CMTM8: variants seen among roughly 807,000 people sequenced by gnomAD.
CMTM8 encodes CKLF-like MARVEL transmembrane domain-containing protein 8.
A neutral mutation model predicts 18.6 loss-of-function variants in CMTM8; 12 were observed. The observed-to-expected ratio is 0.65, with a 90% CI of 0.41 to 1.05. CMTM8 has a LOEUF of 1.05. Ranked by LOEUF, CMTM8 falls within the 50% of genes least tolerant of loss-of-function variation. The pLI is 0.00. For synonymous variants in CMTM8, 87 were observed against 90.6 expected, an observed-to-expected ratio of 0.96 and a Z score of 0.23; for missense variants, 217 against 227.2, an observed-to-expected ratio of 0.95 and a Z score of 0.29.
intron 1 of CMTM8, among the ~76,000 whole-genome samples, chr3:32,263,800 A>G (rs962685006): frequency 6.6e-6 from 1 of 152,238 alleles, no homozygotes; most frequent in Admixed American, 6.5e-5. Context: ...CTACGTGACG[A>G]ATGCACAAGC....
intron 1 of CMTM8, among the ~76,000 whole-genome samples, chr3:32,293,077 G>A (rs1005143186): frequency 8.2e-5 from 12 of 145,734 alleles, no homozygotes; most frequent in African/African-American, 2.5e-4. Flanking sequence ...ATATGTGTGT[G>A]TATATATATA....
chr3:32,365,822 A>T (rs983035691), intron 2 of CMTM8, among the ~76,000 whole-genome samples: 1 of 152,000 alleles, frequency 6.6e-6, no homozygotes, highest in African/African-American at 2.4e-5. Context: ...CAGTTGGAGG[A>T]GCTATAAGAT....
At chr3:32,266,175 C>T (rs1702341729) in intron 1 of CMTM8, among the ~76,000 whole-genome samples, 1 of 152,194 alleles carries the variant, frequency 6.6e-6, no homozygotes. Flanking sequence ...AGACCAATAT[C>T]CCTGATGAAT....
chr3:32,281,259 C>G (rs539978422), intron 1 of CMTM8, among the ~76,000 whole-genome samples: 41 of 152,290 alleles, frequency 2.7e-4, no homozygotes, highest in African/African-American at 9.4e-4. Flanking sequence ...TCTTACCCAT[C>G]AAAAGAACTC....
At chr3:32,291,473 A>G (rs1375725234) in intron 1 of CMTM8, among the ~76,000 whole-genome samples, 1 of 152,216 alleles carries the variant, frequency 6.6e-6, no homozygotes, top group Non-Finnish European at 1.5e-5. Flanking sequence ...AATTGTTGAC[A>G]AGTCATTAGG....
chr3:32,274,623 G>GAGGT (rs1702489554), intron 1 of CMTM8, among the ~76,000 whole-genome samples: 1 of 151,964 alleles, frequency 6.6e-6, no homozygotes, highest in Non-Finnish European at 1.5e-5. Context: ...AAGGACAAAA[G>GAGGT]TATTCTCCTG....
Position 32,357,410 on chromosome 3 carries a change from C to A in CMTM8, c.185C>A (p.Thr62Asn). The change falls in exon 2 of 4, where the codon ACT (threonine) becomes AAT (asparagine). Residue 62 changes from threonine to asparagine, a missense_variant. By Grantham distance (65) the Thr-to-Asn change is moderately conservative (BLOSUM62 0). Coordinates refer to ENST00000307526, the MANE Select transcript of CMTM8 (RefSeq NM_178868.5). Reference sequence around the variant, plus strand: ...CTGGTATGGACGCTTATTGCTGGAACTGAGTACTTCCGGGTCCCCGCATTT... The same window carrying A: ...CTGGTATGGACGCTTATTGCTGGAAATGAGTACTTCCGGGTCCCCGCATTT... Reference protein sequence around the residue: ...GLLVWTLIAGTEYFRVPAFGW... With the variant: ...GLLVWTLIAGNEYFRVPAFGW... 1.2e-6 allele frequency: 2 copies of A among 1,614,042 alleles called. No individual in the cohort carries two copies. Among genetic ancestry groups the A allele is most frequent in the Non-Finnish European group, 1.7e-6 (2 of 1,180,020 alleles).
At chr3:32,247,605 C>T (rs780164239) in intron 1 of CMTM8, among the ~76,000 whole-genome samples, 24 of 152,242 alleles carry the variant, frequency 1.6e-4, no homozygotes, top group Admixed American at 3.3e-4. Context: ...AGATTACAGG[C>T]GTGCACCACC....
chr3:32,339,929 C>T (rs1696461461), intron 1 of CMTM8, among the ~76,000 whole-genome samples: 1 of 152,112 alleles, frequency 6.6e-6, no homozygotes, highest in South Asian at 2.1e-4. Flanking sequence ...CACCACTGCA[C>T]TCCAGCCTGG....
intron 1 of CMTM8, among the ~76,000 whole-genome samples, chr3:32,253,143 T>G (rs921904687): frequency 6.6e-6 from 1 of 152,184 alleles, no homozygotes; most frequent in Admixed American, 6.5e-5. Flanking sequence ...CTCTACTTAG[T>G]TGTATTATTT....
At chr3:32,346,577 G>T (rs1348945453) in intron 1 of CMTM8, among the ~76,000 whole-genome samples, 1 of 150,982 alleles carries the variant, frequency 6.6e-6, no homozygotes, top group Non-Finnish European at 1.5e-5. Flanking sequence ...GCCTCACTCT[G>T]GTGCATATCA....
At position 32,238,916 on chromosome 3, in the gene CMTM8, C is replaced by G. The variant is rs1280994609; in HGVS notation, c.-57C>G. The G allele has an allele frequency of 1.3e-6, 2 of 1,490,978 alleles. No individual in the cohort carries two copies. Among genetic ancestry groups the G allele is most frequent in the African/African-American group, 2.9e-5 (2 of 68,634 alleles). 92.4% of individuals were successfully genotyped at this position (1,490,978 alleles called of 1,614,324 possible). A position where few individuals can be genotyped will look rare whatever the true frequency, so the allele number is the denominator to read the frequency against. ...GTCCCCAGGGCGCAGGGCCGCGCGT[C>G]CAGCCCCAGACCCGCCGGGGTCCCT... is the stretch of plus-strand genomic sequence containing the variant. On this transcript the variant is annotated 5_prime_UTR_variant, in exon 1 of 4. Transcript: ENST00000307526.
chr3:32,348,808 C>CCTA (rs1259699282), intron 1 of CMTM8, among the ~76,000 whole-genome samples: 1 of 151,986 alleles, frequency 6.6e-6, no homozygotes, highest in South Asian at 2.1e-4. Flanking sequence ...GCCCCTGGAA[C>CCTA]CTACTAATCA....
intron 1 of CMTM8, among the ~76,000 whole-genome samples, chr3:32,246,414 G>A (rs566488708): frequency 1.1e-3 from 163 of 152,120 alleles, no homozygotes; most frequent in African/African-American, 3.7e-3. Context: ...AGCAGCTCTC[G>A]GCACACTGCT....
At chr3:32,303,421 C>A (rs990281580) in intron 1 of CMTM8, among the ~76,000 whole-genome samples, 3 of 152,194 alleles carry the variant, frequency 2.0e-5, no homozygotes, top group African/African-American at 4.8e-5. Context: ...AATGTGGTGA[C>A]AGGGTCAAAT....
intron 1 of CMTM8, among the ~76,000 whole-genome samples, chr3:32,270,161 A>G (rs960780940): frequency 2.6e-5 from 4 of 152,168 alleles, no homozygotes; most frequent in East Asian, 1.9e-4. Flanking sequence ...GCCTCAAGCA[A>G]TCCTCCTGCC....
chr3:32,348,151 C>T (rs1173535124), intron 1 of CMTM8, among the ~76,000 whole-genome samples: 1 of 152,144 alleles, frequency 6.6e-6, no homozygotes, highest in Non-Finnish European at 1.5e-5. Context: ...ACTTGCCCTT[C>T]ATTGATAATT....
chr3:32,268,946 C>G (rs570333277), intron 1 of CMTM8, among the ~76,000 whole-genome samples: 45 of 152,268 alleles, frequency 3.0e-4, no homozygotes, highest in South Asian at 1.0e-3. Flanking sequence ...GTGTTTATAA[C>G]CTGCCTTGTT....
chr3:32,368,017 C>T lies in CMTM8; in HGVS notation c.438+29C>T, dbSNP rs202198117. On this transcript the variant is annotated intron_variant, in intron 3 of 3. Coordinates refer to ENST00000307526, the MANE Select transcript of CMTM8 (RefSeq NM_178868.5). Reference sequence around the variant, plus strand: ...AGTAGCCCTCCATCCCCACATGATCCTCCTCTTCCCTCTCCAAGGCTTGCT... The same window carrying T: ...AGTAGCCCTCCATCCCCACATGATCTTCCTCTTCCCTCTCCAAGGCTTGCT... 8 of 1,413,440 alleles carry T rather than the reference C, an allele frequency of 5.7e-6. No individual in the cohort carries two copies. The East Asian group carries it at 1.1e-4, about 20-fold the overall frequency. The allele number at this position is 1,413,440 out of a possible 1,614,324, so 87.6% of individuals were successfully genotyped here.
Sources: gnomAD v4.1 joint callset for allele counts (sites outside exome capture counted in the v4.1 genomes callset) on GRCh38, gnomAD v4.1.1 for gene constraint, MANE v1.5 for transcripts, NCBI Gene and HGNC (gene_info 2026-07-23, HGNC 2026-07-21) for gene names.